The following CACNA1A variants were observed in gnomAD, a reference collection of about 807,000 sequenced individuals.
CACNA1A encodes voltage-dependent P/Q-type calcium channel subunit alpha-1A.
A neutral mutation model predicts 262.4 loss-of-function variants in CACNA1A; 57 were observed. The ratio of observed to expected loss-of-function variants is 0.22; its 90% CI spans 0.18 to 0.27. The LOEUF (loss-of-function observed/expected upper bound fraction) is 0.27. Ranked by LOEUF, CACNA1A falls within the 10% of genes least tolerant of loss-of-function variation. The pLI, the probability that CACNA1A is intolerant of heterozygous loss-of-function variation, is 1.00. For synonymous variants in CACNA1A, 1,431 were observed against 1,419.3 expected (o/e 1.01, Z -0.18); for missense variants, 2,526 against 3,562.8 (o/e 0.71, Z 7.41).
chr19:13,413,881 G>GA (rs199712653), intron 3 of CACNA1A, among the ~76,000 whole-genome samples: 6,030 of 106,652 alleles, frequency 0.057, 588 homozygotes, highest in East Asian at 0.16. Flanking sequence ...ACTCTGTCAA[G>GA]AAAGAAAGAA....
chr19:13,223,015 G>GT (rs2055294959), intron 38 of CACNA1A, among the ~76,000 whole-genome samples: 1 of 151,836 alleles, frequency 6.6e-6, no homozygotes, highest in African/African-American at 2.4e-5. Context: ...TAAAAAAAAT[G>GT]TTTTTTTCTT....
chr19:13,411,646 T>C (rs116607698), intron 3 of CACNA1A, among the ~76,000 whole-genome samples: 3,848 of 152,102 alleles, frequency 0.025, 153 homozygotes, highest in South Asian at 0.14. Flanking sequence ...TGTCAAAAAA[T>C]GTGGGGTTCT....
At chr19:13,259,914 G>T in intron 26 of CACNA1A, 1 of 548,552 alleles carries the variant, frequency 1.8e-6, no homozygotes, top group Non-Finnish European at 3.3e-6. Flanking sequence ...ATGGGTGATG[G>T]CACAACCTTA....
intron 6 of CACNA1A, among the ~76,000 whole-genome samples, chr19:13,354,557 G>A (rs368510270): frequency 4.2e-4 from 64 of 152,296 alleles, no homozygotes; most frequent in East Asian, 3.9e-4. Flanking sequence ...GACGCTACTC[G>A]TTGTTTTAGG....
intron 29 of CACNA1A, 66 bp from the exon 30 acceptor site, chr19:13,253,167 C>T: frequency 1.0e-6 from 1 of 995,146 alleles, no homozygotes; most frequent in South Asian, 1.4e-5. Flanking sequence ...AGTGGGGAGG[C>T]AGCTTCATGG....
intron 31 of CACNA1A, 130 bp from the exon 32 acceptor site, chr19:13,235,860 G>A (rs908214379): frequency 8.0e-6 from 5 of 624,254 alleles, no homozygotes; most frequent in Non-Finnish European, 1.4e-5. Context: ...AATAAGGAGG[G>A]AGAGAGAAAG....
At chr19:13,226,275 A>AGGGGGGGGGGGGGGG (rs2055444404) in intron 37 of CACNA1A, 1 of 46,628 alleles carries the variant, frequency 2.1e-5, no homozygotes, top group Non-Finnish European at 4.6e-5. Flanking sequence ...GGGGGGCGGC[A>AGGGGGGGGGGGGGGG]GGGAGGGGCA....
intron 37 of CACNA1A, chr19:13,225,648 G>A (rs1311437931): frequency 6.6e-6 from 1 of 151,970 alleles, no homozygotes; most frequent in Non-Finnish European, 1.5e-5. Flanking sequence ...TCAGACACAA[G>A]TGGGCAGGAA....
intron 24 of CACNA1A, among the ~76,000 whole-genome samples, chr19:13,269,789 C>G (rs150271080): frequency 1.3e-5 from 2 of 152,304 alleles, no homozygotes; most frequent in East Asian, 3.9e-4. Flanking sequence ...GACACACACA[C>G]ACAGATATTT....
chr19:13,260,468 C>T (rs2056706380), intron 26 of CACNA1A: 1 of 151,806 alleles, frequency 6.6e-6, no homozygotes, highest in Admixed American at 6.6e-5. Context: ...CCTGTCTCAG[C>T]CTCCCAAGTA....
intron 6 of CACNA1A, among the ~76,000 whole-genome samples, chr19:13,350,359 G>A (rs1391028528): frequency 7.2e-5 from 11 of 152,270 alleles, no homozygotes; most frequent in Admixed American, 3.9e-4. Context: ...CAGTGACTGC[G>A]GAAGGCACTG....
chr19:13,362,132 G>A (rs1293253965), intron 5 of CACNA1A: 1 of 151,280 alleles, frequency 6.6e-6, no homozygotes, highest in African/African-American at 2.4e-5. Flanking sequence ...GGGCTCAAGT[G>A]ATCCTTCTTC....
chr19:13,325,939 C>T (rs549570058), intron 10 of CACNA1A, among the ~76,000 whole-genome samples: 1 of 152,250 alleles, frequency 6.6e-6, no homozygotes, highest in African/African-American at 2.4e-5. Flanking sequence ...GAGCAATTTT[C>T]AAGTATATAA....
chr19:13,502,150 C>T lies in CACNA1A; in HGVS notation c.293+3782G>A, dbSNP rs1249376180. On this transcript the variant is annotated intron_variant, in intron 1 of 46. Transcript: ENST00000360228. Reference sequence around the variant, plus strand: ...ATGCAGAAAGTTTCTCTTTAGAGAGCTTTTCTTAAAAAAAAAAAAAAAAAA... The same window carrying T: ...ATGCAGAAAGTTTCTCTTTAGAGAGTTTTTCTTAAAAAAAAAAAAAAAAAA... Among the ~76,000 whole-genome samples, 3 of 95,404 alleles carry T rather than the reference C, an allele frequency of 3.1e-5. 1 individual carries two copies. The highest frequency in any genetic ancestry group is 1.5e-4 in the African/African-American group (3 of 19,780). The allele number at this position is 95,404 out of a possible 152,430, so 62.6% of individuals were successfully genotyped here.
intron 3 of CACNA1A, among the ~76,000 whole-genome samples, chr19:13,405,695 C>A (rs984566853): frequency 6.6e-6 from 1 of 152,200 alleles, no homozygotes; most frequent in African/African-American, 2.4e-5. Flanking sequence ...GAGGTTTGGG[C>A]ATCAGCTCCA....
chr19:13,308,648 C>T lies in CACNA1A; in HGVS notation c.1669-120G>A, dbSNP rs992652575. On this transcript the variant is annotated intron_variant, in intron 12 of 46. Coordinates refer to ENST00000360228, the MANE Select transcript of CACNA1A (RefSeq NM_001127222.2). The surrounding 1 kb of genome is among the most constrained non-coding windows in gnomAD (Gnocchi z 4.2). ...CAAACTCCTCCCTCCAAATGGAAGC[C>T]GGGTGAGGATCCTTGACCCCCTCAT... The T allele has an allele frequency of 3.6e-5, 22 of 610,390 alleles. No individual in the cohort carries two copies. The highest frequency in any genetic ancestry group is 1.9e-4 in the South Asian group (9 of 46,412). 37.8% of individuals were successfully genotyped at this position (610,390 alleles called of 1,614,324 possible). A position where few individuals can be genotyped will look rare whatever the true frequency, so the allele number is the denominator to read the frequency against.
chr19:13,231,961 G>A lies in CACNA1A; in HGVS notation c.5250-101C>T, dbSNP rs118091436. On this transcript the variant is annotated intron_variant, in intron 34 of 46. Transcript: ENST00000360228. Reference sequence around the variant, plus strand: ...ACACACGTTGAGCACTTGGGCTCTGGAGCTGGCCAGGCAAGCCCCAGGTGG... The same window carrying A: ...ACACACGTTGAGCACTTGGGCTCTGAAGCTGGCCAGGCAAGCCCCAGGTGG... 0.017 allele frequency: 22,003 copies of A among 1,259,046 alleles called. 263 individuals are homozygous for A. Among genetic ancestry groups the A allele is most frequent in the Non-Finnish European group, 0.021 (19,514 of 907,840 alleles). The allele number at this position is 1,259,046 out of a possible 1,614,324, so 78.0% of individuals were successfully genotyped here.
At chr19:13,297,108 A>T (rs1053692651) in intron 19 of CACNA1A, among the ~76,000 whole-genome samples, 2 of 152,210 alleles carry the variant, frequency 1.3e-5, no homozygotes, top group East Asian at 1.9e-4. Context: ...TTTACCGAGC[A>T]CTTATTATGT....
rs886335645 is a variant in CACNA1A, at chr19:13,206,755, G to A, written c.*558C>T. On this transcript the variant is annotated 3_prime_UTR_variant, in exon 47 of 47. Transcript: ENST00000360228. ...ATAACCGGCAAGCACTCTTGTGTGT[G>A]TCTGAGAACGTGTGTGGGTGTGAGT... 1.6e-4 allele frequency: 25 copies of A among 154,144 alleles called. No homozygotes were observed. Among genetic ancestry groups the A allele is most frequent in the African/African-American group, 5.8e-4 (24 of 41,404 alleles). The allele number at this position is 154,144 out of a possible 1,614,324, so 9.5% of individuals were successfully genotyped here. A position where few individuals can be genotyped will look rare whatever the true frequency, so the allele number is the denominator to read the frequency against.
Sources: gnomAD v4.1 joint callset for allele counts (sites outside exome capture counted in the v4.1 genomes callset) on GRCh38, gnomAD v4.1.1 for gene constraint, Gnocchi (gnomAD v3.1) non-coding constraint, MANE v1.5 for transcripts, NCBI Gene and HGNC (gene_info 2026-07-23, HGNC 2026-07-21) for gene names.